The following TTC23L variants were observed in gnomAD, a reference collection of about 807,000 sequenced individuals.
The protein encoded by TTC23L is tetratricopeptide repeat protein 23-like.
Under a neutral mutation model 48.1 loss-of-function variants are expected in TTC23L, and 42 were observed. The observed-to-expected ratio is 0.87, with a 90% CI of 0.68 to 1.13. TTC23L has a LOEUF of 1.13. Among genes scored for constraint, TTC23L ranks in the 50% most tolerant of loss-of-function variants. The pLI, the probability that TTC23L is intolerant of heterozygous loss-of-function variation, is 0.00. For missense variants in TTC23L, 391 were observed against 421.0 expected, an observed-to-expected ratio of 0.93 and a Z score of 0.62; for synonymous variants, 159 against 157.2, an observed-to-expected ratio of 1.01 and a Z score of -0.09.
the TTC23L span, chr5:34,923,092 A>AT: frequency 1.3e-6 from 2 of 1,576,902 alleles, no homozygotes; most frequent in African/African-American, 2.7e-5. Flanking sequence ...TATACATGAT[A>AT]TATCTTGGAA....
chr5:34,872,977 T>C (rs1044274581), intron 8 of TTC23L, among the ~76,000 whole-genome samples: 7 of 151,916 alleles, frequency 4.6e-5, no homozygotes, highest in Non-Finnish European at 7.4e-5. Flanking sequence ...ACAGGAGACT[T>C]GCTTGAGCCC....
At chr5:34,908,511 C>G in the TTC23L span, 2 of 301,858 alleles carry the variant, frequency 6.6e-6, no homozygotes. Context: ...CAATTATTCC[C>G]ATGAGTTCAA....
chr5:34,903,274 G>C (rs76268605), downstream of TTC23L, among the ~76,000 whole-genome samples: 44 of 152,250 alleles, frequency 2.9e-4, no homozygotes, highest in East Asian at 5.2e-3. Flanking sequence ...CTTATACCTA[G>C]TAAAATAAGT....
chr5:34,888,920 C>T (rs1158629461), intron 9 of TTC23L, among the ~76,000 whole-genome samples: 1 of 152,050 alleles, frequency 6.6e-6, no homozygotes, highest in Non-Finnish European at 1.5e-5. Flanking sequence ...AAGTCTAGGT[C>T]CCTAAACATA....
At position 34,854,711 on chromosome 5, in the gene TTC23L, A is replaced by G. The variant is rs540508954; in HGVS notation, c.379+4403A>G. Among the ~76,000 whole-genome samples the G allele has an allele frequency of 6.6e-5, 10 of 152,346 alleles. No homozygotes were observed. The East Asian group carries it at 1.4e-3, about 21-fold the overall frequency. On this transcript the variant is annotated intron_variant, in intron 4 of 10. Transcript: ENST00000505624. ...TCACTTTGAGCCTTTTCCAGCAGCC[A>G]AAAGGCTAATTTCTCTCAATAAACA...
intron 4 of TTC23L, among the ~76,000 whole-genome samples, chr5:34,855,370 A>G (rs1007047402): frequency 3.9e-5 from 6 of 152,232 alleles, no homozygotes; most frequent in Admixed American, 2.6e-4. Context: ...TTCCAGCAGG[A>G]TGATAAAAAT....
intron 9 of TTC23L, among the ~76,000 whole-genome samples, chr5:34,894,018 T>C (rs1228084086): frequency 6.6e-6 from 1 of 152,172 alleles, no homozygotes; most frequent in Non-Finnish European, 1.5e-5. Context: ...CCCAGCTCTG[T>C]CAAAAGTATG....
intron 7 of TTC23L, 199 bp downstream of exon 7, chr5:34,867,268 G>A (rs1168418122): frequency 1.6e-6 from 1 of 618,662 alleles, no homozygotes; most frequent in African/African-American, 1.8e-5. Flanking sequence ...GACTCAGGTG[G>A]GCGAATGTGC....
At chr5:34,908,691 CAA>C in the TTC23L span, 34 of 1,319,688 alleles carry the variant, frequency 2.6e-5, no homozygotes, top group Non-Finnish European at 3.4e-5. Context: ...TATGAAATGA[CAA>C]AGAGTACTGT....
chr5:34,841,152 C>T (rs1758636509), intron 2 of TTC23L, among the ~76,000 whole-genome samples: 1 of 152,110 alleles, frequency 6.6e-6, no homozygotes, highest in African/African-American at 2.4e-5. Flanking sequence ...TAGAAGATTG[C>T]TTTTTCCCGA....
chr5:34,849,859 A>G (rs1384647363), intron 3 of TTC23L, among the ~76,000 whole-genome samples: 1 of 152,210 alleles, frequency 6.6e-6, no homozygotes, highest in Non-Finnish European at 1.5e-5. Flanking sequence ...ATAAAAGGTT[A>G]AAAGAAGTCA....
intron 4 of TTC23L, among the ~76,000 whole-genome samples, chr5:34,850,526 G>C (rs1027834402): frequency 2.6e-5 from 4 of 152,180 alleles, no homozygotes; most frequent in Admixed American, 6.5e-5. Context: ...TTTAGCATGT[G>C]CCAAACTGGT....
At chr5:34,842,966 C>T (rs1423254078) in intron 2 of TTC23L, among the ~76,000 whole-genome samples, 1 of 152,128 alleles carries the variant, frequency 6.6e-6, no homozygotes, top group Non-Finnish European at 1.5e-5. Context: ...GCTGGGATTA[C>T]AGTCTCACTG....
chr5:34,861,248 G>C (rs947333825), intron 4 of TTC23L: 4 of 153,306 alleles, frequency 2.6e-5, no homozygotes, highest in Non-Finnish European at 5.8e-5. Flanking sequence ...TTACAGGCGT[G>C]AGCCACCACG....
At chr5:34,894,867 AGAT>A (rs1454264999) in intron 9 of TTC23L, among the ~76,000 whole-genome samples, 3 of 150,490 alleles carry the variant, frequency 2.0e-5, no homozygotes, top group South Asian at 2.1e-4. Context: ...TGCTAATTAG[AGAT>A]GATGAGAGTG....
At chr5:34,889,631 AG>A in intron 9 of TTC23L, among the ~76,000 whole-genome samples, 1 of 152,272 alleles carries the variant, frequency 6.6e-6, no homozygotes, top group East Asian at 1.9e-4. Context: ...CTGTGTTACA[AG>A]GATACAGAGG....
At chr5:34,923,002 C>G in the TTC23L span, 1 of 1,524,612 alleles carries the variant, frequency 6.6e-7, no homozygotes, top group Non-Finnish European at 9.1e-7. Flanking sequence ...TTTTTATAGG[C>G]TTTTGATGAA....
At chr5:34,859,840 C>CTTTTTTTTTTTTTTTTTTTTTTTTTTTTT (rs10590697) in intron 4 of TTC23L, among the ~76,000 whole-genome samples, 4 of 95,362 alleles carry the variant, frequency 4.2e-5, no homozygotes, top group Non-Finnish European at 6.3e-5. Context: ...TTTTCTTCTT[C>CTTTTTTTTTTTTTTTTTTTTTTTTTTTTT]TTTTTTTTTT....
intron 3 of TTC23L, among the ~76,000 whole-genome samples, chr5:34,847,737 A>G (rs1490829942): frequency 3.9e-5 from 6 of 152,194 alleles, no homozygotes; most frequent in Admixed American, 1.3e-4. Flanking sequence ...TGGTCAGCCC[A>G]TGGTGAACTC....
Sources: allele counts gnomAD v4.1 joint callset (sites outside exome capture counted in the v4.1 genomes callset), GRCh38; gene constraint gnomAD v4.1.1; transcripts MANE v1.5; gene names NCBI Gene and HGNC (gene_info 2026-07-23, HGNC 2026-07-21).